The following ZPBP variants were observed in gnomAD, a reference collection of about 807,000 sequenced individuals.
ZPBP encodes zona pellucida-binding protein 1.
In ZPBP, 26 loss-of-function variants were observed where a neutral mutation model predicts 44.8. The ratio of observed to expected loss-of-function variants is 0.58; its 90% CI spans 0.43 to 0.81. The LOEUF (loss-of-function observed/expected upper bound fraction) is 0.81, where lower values mean the gene tolerates loss of function less well. Ranked by LOEUF, ZPBP falls within the 30% of genes least tolerant of loss-of-function variation. ZPBP has a pLI of 0.00. For missense variants in ZPBP, 409 were observed against 434.0 expected (o/e 0.94, Z 0.51); for synonymous variants, 174 against 153.2 (o/e 1.14, Z -1.00).
At chr7:49,879,995 G>C (rs1290909437) in intron 2 of ZPBP, among the ~76,000 whole-genome samples, 1 of 152,056 alleles carries the variant, frequency 6.6e-6, no homozygotes, top group Non-Finnish European at 1.5e-5. Context: ...CAGGCTTCAA[G>C]TTTCAAGAAA....
chr7:49,885,604 C>T (rs118035953), intron 2 of ZPBP, among the ~76,000 whole-genome samples: 1 of 152,230 alleles, frequency 6.6e-6, no homozygotes, highest in Non-Finnish European at 1.5e-5. Flanking sequence ...GAGTGAAGCA[C>T]AAGATATGTT....
rs549271279 is a variant in ZPBP, at chr7:49,944,846, T to A, written c.962-7224A>T. The stretch of plus-strand genomic sequence containing the variant: ...ATTTCATTGATTTTTGTATTTTTTT[T>A]ATTTCATTTATTTCTGCTCTGATCT... On this transcript the variant is annotated intron_variant, in intron 7 of 7. Coordinates refer to ENST00000046087, the MANE Select transcript of ZPBP (RefSeq NM_007009.3). Among the ~76,000 whole-genome samples, 10 of 151,134 alleles carry A rather than the reference T, an allele frequency of 6.6e-5. No homozygotes were observed. The East Asian group carries it at 2.0e-3, about 30-fold the overall frequency.
At chr7:50,045,588 C>T (rs190045314) in intron 4 of ZPBP, among the ~76,000 whole-genome samples, 37 of 152,036 alleles carry the variant, frequency 2.4e-4, no homozygotes, top group East Asian at 7.7e-4. Context: ...ACAACTTACA[C>T]GGGATGTGAA....
intron 1 of ZPBP, chr7:49,920,033 G>A (rs1793948617): frequency 6.6e-6 from 1 of 151,890 alleles, no homozygotes; most frequent in South Asian, 2.1e-4. Context: ...TAAACATAAT[G>A]GTGTTTTTTT....
chr7:50,037,629 C>T lies in ZPBP; in HGVS notation c.488-6319G>A, dbSNP rs547991766. ...CTATCACAAGCACAAGGAGGAAATC[C>T]GCCCCCATGATCTAATCACCTCCCA... On this transcript the variant is annotated intron_variant, in intron 4 of 7. Coordinates refer to ENST00000046087, the MANE Select transcript of ZPBP (RefSeq NM_007009.3). 6.2e-4 allele frequency among the ~76,000 whole-genome samples: 94 copies of T among 152,222 alleles called. 2 individuals carry two copies. The South Asian group carries it at 0.018, about 30-fold the overall frequency.
intron 1 of ZPBP, 95 bp from the exon 2 acceptor site, chr7:50,089,804 A>G (rs1802859231): frequency 3.1e-6 from 3 of 958,368 alleles, no homozygotes; most frequent in East Asian, 2.6e-5. Flanking sequence ...TGAAGGGGAG[A>G]GCCATAATTC....
At chr7:49,850,403 G>GT (rs1790129054), downstream of ZPBP, 3 of 152,262 alleles carry the variant, frequency 2.0e-5, no homozygotes, top group South Asian at 4.1e-4. Flanking sequence ...CACATCCAGT[G>GT]TAAGAGGCCT....
At chr7:50,066,678 A>G (rs958750407) in intron 3 of ZPBP, among the ~76,000 whole-genome samples, 12 of 152,228 alleles carry the variant, frequency 7.9e-5, no homozygotes, top group Non-Finnish European at 1.8e-4. Context: ...AGGCTTATAC[A>G]TTGTATTCAC....
At chr7:50,029,897 C>T (rs190240148) in intron 5 of ZPBP, among the ~76,000 whole-genome samples, 38 of 152,240 alleles carry the variant, frequency 2.5e-4, no homozygotes, top group African/African-American at 8.9e-4. Flanking sequence ...ACTCTGTCAG[C>T]CAGGCTGAAG....
chr7:50,066,383 T>C lies in ZPBP; in HGVS notation c.335-8242A>G, dbSNP rs909392427. Among the ~76,000 whole-genome samples the C allele has an allele frequency of 1.7e-4, 24 of 140,600 alleles. 2 individuals carry two copies. Among genetic ancestry groups the C allele is most frequent in the Middle Eastern group, 3.4e-3 (1 of 290 alleles). 92.2% of individuals were successfully genotyped at this position (140,600 alleles called of 152,430 possible). A position where few individuals can be genotyped will look rare whatever the true frequency, so the allele number is the denominator to read the frequency against. ...GTCACAGACTGAATAGGTGGTCTGG[T>C]TGTATGTGCAGGTTCCTAACCTGGT... On this transcript the variant is annotated intron_variant, in intron 3 of 7. Coordinates refer to ENST00000046087, the MANE Select transcript of ZPBP (RefSeq NM_007009.3).
At chr7:49,893,445 A>T (rs692201) in intron 2 of ZPBP, among the ~76,000 whole-genome samples, 8 of 152,024 alleles carry the variant, frequency 5.3e-5, no homozygotes, top group African/African-American at 1.9e-4. Context: ...ACAAAATTTG[A>T]TTTTTTTCGT....
intron 1 of ZPBP, among the ~76,000 whole-genome samples, chr7:49,909,750 A>G (rs1166660656): frequency 6.6e-6 from 1 of 152,158 alleles, no homozygotes; most frequent in African/African-American, 2.4e-5. Context: ...GGGTTCTCTG[A>G]AAGAGAAAGA....
chr7:49,908,870 T>C (rs1793245684), intron 1 of ZPBP, among the ~76,000 whole-genome samples: 1 of 152,206 alleles, frequency 6.6e-6, no homozygotes, highest in African/African-American at 2.4e-5. Context: ...AAGACTTCAA[T>C]GTGTTGCAAA....
At chr7:49,940,295 T>C (rs1486688188) in intron 7 of ZPBP, among the ~76,000 whole-genome samples, 1 of 152,128 alleles carries the variant, frequency 6.6e-6, no homozygotes, top group African/African-American at 2.4e-5. Context: ...AAAAAAATTG[T>C]AGCTATATAA....
chr7:50,046,661 A>G (rs1800382478), intron 4 of ZPBP, among the ~76,000 whole-genome samples: 1 of 152,172 alleles, frequency 6.6e-6, no homozygotes, highest in Non-Finnish European at 1.5e-5. Context: ...GCTGGAGAGG[A>G]TATGGAGAAA....
intron 4 of ZPBP, among the ~76,000 whole-genome samples, chr7:50,043,257 G>A (rs981391757): frequency 1.2e-4 from 19 of 152,236 alleles, no homozygotes; most frequent in African/African-American, 4.3e-4. Flanking sequence ...CAATAAATAC[G>A]TGGGTAAAAC....
At chr7:50,005,123 T>C (rs1362066615) in intron 6 of ZPBP, among the ~76,000 whole-genome samples, 1 of 151,496 alleles carries the variant, frequency 6.6e-6, no homozygotes, top group African/African-American at 2.4e-5. Context: ...AGTAGGATGA[T>C]ATATTTCAAG....
chr7:49,860,563 T>C (rs542201), intron 2 of ZPBP, among the ~76,000 whole-genome samples: 14,956 of 152,274 alleles, frequency 0.098, 2,129 homozygotes, highest in African/African-American at 0.31. Flanking sequence ...GCAGTGAACA[T>C]TGGCATACAA....
At chr7:50,019,933 C>T (rs1322304865) in intron 5 of ZPBP, among the ~76,000 whole-genome samples, 2 of 151,254 alleles carry the variant, frequency 1.3e-5, no homozygotes, top group Non-Finnish European at 2.9e-5. Context: ...AAATCTAGGC[C>T]CAAGAAAAGT....
Sources: gnomAD v4.1 joint callset for allele counts (sites outside exome capture counted in the v4.1 genomes callset) on GRCh38, gnomAD v4.1.1 for gene constraint, MANE v1.5 for transcripts, NCBI Gene and HGNC (gene_info 2026-07-23, HGNC 2026-07-21) for gene names.